PPIE: variants seen among roughly 807,000 people sequenced by gnomAD.
PPIE encodes the protein peptidylprolyl isomerase E.
Under a neutral mutation model 38.4 loss-of-function variants are expected in PPIE, and 20 were observed. The ratio of observed to expected loss-of-function variants is 0.52; its 90% CI spans 0.37 to 0.76. PPIE has a LOEUF of 0.76. PPIE is among the 30% of genes least tolerant of loss of function. The pLI, the probability that PPIE is intolerant of heterozygous loss-of-function variation, is 0.00. For synonymous variants in PPIE, 142 were observed against 135.7 expected (o/e 1.05, Z -0.32); for missense variants, 322 against 385.8 (o/e 0.83, Z 1.39).
rs902090676 is a variant in PPIE, at chr1:39,754,615, C to T, written c.*1260C>T. On this transcript the variant is annotated 3_prime_UTR_variant, in exon 10 of 10. Transcript: ENST00000324379. Reference sequence around the variant, plus strand: ...GTGGCTCATGCCTATAATTCCACCACTATTGGGAGGCTGAGGCAGGAGGAT... The same window carrying T: ...GTGGCTCATGCCTATAATTCCACCATTATTGGGAGGCTGAGGCAGGAGGAT... 1.3e-5 allele frequency among the ~76,000 whole-genome samples: 2 copies of T among 152,048 alleles called. No individual in the cohort carries two copies. Among genetic ancestry groups the T allele is most frequent in the Non-Finnish European group, 2.9e-5 (2 of 67,992 alleles).
chr1:39,740,357 T>C, intron 2 of PPIE, 94 bp downstream of exon 2: 1 of 951,192 alleles, frequency 1.1e-6, no homozygotes, highest in Non-Finnish European at 1.6e-6. Flanking sequence ...GCATTCTAAA[T>C]ATGGTTAGTA....
At chr1:39,762,734 T>G in intron 9 of PPIE, 1 of 1,419,114 alleles carries the variant, frequency 7.0e-7, no homozygotes, top group Non-Finnish European at 9.4e-7. Context: ...CGGCGGCCCG[T>G]GTGCTAAGAT....
intron 9 of PPIE, chr1:39,762,619 A>T (rs1475516865): frequency 6.5e-6 from 10 of 1,548,162 alleles, no homozygotes; most frequent in Non-Finnish European, 8.7e-7. Context: ...GAGCCACACC[A>T]TCTAGAAGCT....
chr1:39,748,844 G>A (rs780705626), intron 7 of PPIE, 59 bp from the exon 8 acceptor site: 81 of 1,519,420 alleles, frequency 5.3e-5, no homozygotes, highest in Non-Finnish European at 6.8e-5. Context: ...AAGTTTTTTC[G>A]AGGTTTTTTA....
chr1:39,746,187 C>A (rs940564529), intron 7 of PPIE: 1 of 152,238 alleles, frequency 6.6e-6, no homozygotes, highest in African/African-American at 2.4e-5. Context: ...TCCCTGCCCC[C>A]TCATCTTCCC....
chr1:39,763,842 G>A lies in PPIE; in HGVS notation c.*100G>A, dbSNP rs1334659995. ...TTTTCTGGGGTTCCTACTGTGTGCAGCTACTATGGGGTACCAGGGTGGGGG... is the reference window on the plus strand; with the variant it reads ...TTTTCTGGGGTTCCTACTGTGTGCAACTACTATGGGGTACCAGGGTGGGGG... On this transcript the variant is annotated 3_prime_UTR_variant, in exon 10 of 10. Coordinates refer to the PPIE transcript ENST00000356511. 4 of 1,572,312 alleles carry A rather than the reference G, an allele frequency of 2.5e-6. No homozygotes were observed. The East Asian group carries it at 9.1e-5, about 36-fold the overall frequency.
intron 9 of PPIE, chr1:39,762,754 C>A: frequency 7.3e-7 from 1 of 1,372,848 alleles, no homozygotes; most frequent in South Asian, 1.5e-5. Flanking sequence ...TCACACAGCC[C>A]CCACACAGTG....
At chr1:39,747,455 C>CTCT (rs1647263325) in intron 7 of PPIE, 1 of 72,962 alleles carries the variant, frequency 1.4e-5, no homozygotes, top group Non-Finnish European at 2.5e-5. Context: ...CACATCTTCT[C>CTCT]TTTTTTTTTT....
At chr1:39,750,860 T>C (rs1647651932) in intron 8 of PPIE, among the ~76,000 whole-genome samples, 3 of 152,240 alleles carry the variant, frequency 2.0e-5, no homozygotes, top group Non-Finnish European at 1.5e-5. Flanking sequence ...CTCTTTACTA[T>C]ACTGAACTGA....
rs1036640433 is a variant in PPIE at position 39,753,887 on chromosome 1, C to T, written c.*532C>T. On this transcript the variant is annotated 3_prime_UTR_variant, in exon 10 of 10. Transcript: ENST00000324379. ...ACACCAGGCATCGATGTCAGGGCAA[C>T]GGAAATTAAAGACTGGAAAGCTCCG... is the stretch of plus-strand genomic sequence containing the variant. 59 of 985,238 alleles carry T rather than the reference C, an allele frequency of 6.0e-5. 1 individual carries two copies. The Admixed American group carries it at 8.6e-4, about 14-fold the overall frequency. The allele number at this position is 985,238 out of a possible 1,614,324, so 61.0% of individuals were successfully genotyped here. A position where few individuals can be genotyped will look rare whatever the true frequency, so the allele number is the denominator to read the frequency against.
intron 6 of PPIE, 109 bp from the exon 7 acceptor site, chr1:39,745,266 C>T: frequency 6.8e-7 from 1 of 1,464,186 alleles, no homozygotes; most frequent in Non-Finnish European, 9.4e-7. Flanking sequence ...TCAGCACTTG[C>T]TCCAGCCTAC....
chr1:39,749,066 T>C lies in PPIE; in HGVS notation c.672T>C (p.Phe224=), dbSNP rs944031459. ...IYGKKFDDEN[F]ILKHTGPGLL... ...GGAAGAAGTTCGATGATGAAAACTT[T>C]ATCCTCAAGCATACGGGACCAGGTA... The change falls in exon 8 of 10, where the codon TTT becomes TTC. Residue 224 remains phenylalanine (F), a synonymous_variant. Coordinates refer to ENST00000324379, the MANE Select transcript of PPIE (RefSeq NM_006112.4). 1.9e-6 allele frequency: 3 copies of C among 1,608,108 alleles called. No individual in the cohort carries two copies. The highest frequency in any genetic ancestry group is 1.7e-4 in the Middle Eastern group (1 of 6,022).
chr1:39,743,294 C>G lies in PPIE; in HGVS notation c.280C>G (p.Pro94Ala). 6.2e-7 allele frequency: 1 copy of G among 1,613,754 alleles called. No individual in the cohort carries two copies. The highest frequency in any genetic ancestry group is 2.2e-5 in the East Asian group (1 of 44,874). ...GAGAATTAAGGAAGGCTCTTCCAGG[C>G]CAGGTGAGTAGGAGCAACTTCCAGA... The part of the protein sequence containing the change: ...PMRIKEGSSR[P>A]VWSDDDWLKK... Residue 94 changes from proline to alanine, a missense_variant, in exon 5 of 10, where the codon CCA (proline) becomes GCA (alanine). Transcript: ENST00000324379.
At chr1:39,745,994 C>T (rs1021223883) in intron 7 of PPIE, 19 of 153,380 alleles carry the variant, frequency 1.2e-4, no homozygotes, top group African/African-American at 4.6e-4. Flanking sequence ...GGTGCTGTCC[C>T]TGTGCCCTGC....
At chr1:39,758,991 C>A (rs1454047664), downstream of PPIE, 9 of 152,316 alleles carry the variant, frequency 5.9e-5, no homozygotes, top group African/African-American at 2.2e-4. Flanking sequence ...GAGGTGGAAC[C>A]ACTCTGCCGG....
At chr1:39,747,859 CTTGT>C (rs1647301007) in intron 7 of PPIE, 1 of 152,136 alleles carries the variant, frequency 6.6e-6, no homozygotes. Context: ...TTTTCATGTG[CTTGT>C]TGACCATTTG....
intron 4 of PPIE, chr1:39,742,930 A>G: frequency 3.9e-6 from 1 of 254,016 alleles, no homozygotes; most frequent in Non-Finnish European, 7.5e-6. Flanking sequence ...TGACTTTTGA[A>G]GGTGAACTCA....
chr1:39,745,325 C>T (rs764437214), intron 6 of PPIE, 50 bp from the exon 7 acceptor site: 1 of 1,612,256 alleles, frequency 6.2e-7, no homozygotes, highest in South Asian at 1.1e-5. Flanking sequence ...CGCACTCCTA[C>T]TTAGGGCGTC....
intron 1 of PPIE, 123 bp downstream of exon 1, chr1:39,739,054 C>A: frequency 8.9e-7 from 1 of 1,118,814 alleles, no homozygotes; most frequent in Non-Finnish European, 1.2e-6. Flanking sequence ...GGGTCTCTGG[C>A]GGTAGTGCTG....
Sources: allele counts gnomAD v4.1 joint callset (sites outside exome capture counted in the v4.1 genomes callset), GRCh38; gene constraint gnomAD v4.1.1; transcripts MANE v1.5; gene names NCBI Gene and HGNC (gene_info 2026-07-23, HGNC 2026-07-21).